KPNA3: variants seen among roughly 807,000 people sequenced by gnomAD.
KPNA3 encodes importin subunit alpha-4.
In KPNA3, 13 loss-of-function variants were observed where a neutral mutation model predicts 73.8. The observed-to-expected ratio is 0.18, with a 90% CI of 0.11 to 0.28. The LOEUF is 0.28. Ranked by LOEUF, KPNA3 falls within the 10% of genes least tolerant of loss-of-function variation. The probability of loss-of-function intolerance (pLI) is 1.00; values close to 1 mark genes in which losing one functional copy is unlikely to be tolerated. For missense variants in KPNA3, 360 were observed against 618.1 expected (o/e 0.58, Z 4.43); for synonymous variants, 186 against 206.9 (o/e 0.90, Z 0.87).
chr13:49,770,348 A>G (rs1046319515), intron 1 of KPNA3, among the ~76,000 whole-genome samples: 22 of 151,492 alleles, frequency 1.5e-4, no homozygotes, highest in Non-Finnish European at 4.4e-5. Context: ...GCAAATTTTT[A>G]AATTCTTTAT....
intron 1 of KPNA3, among the ~76,000 whole-genome samples, chr13:49,759,644 A>G (rs1039576239): frequency 6.6e-6 from 1 of 152,204 alleles, no homozygotes; most frequent in South Asian, 2.1e-4. Context: ...GATCACTCGC[A>G]TGCACAGTTC....
chr13:49,725,491 G>T lies in KPNA3; in HGVS notation c.394C>A (p.Gln132Lys). Residue 132 changes from glutamine (Q) to lysine (K), a missense_variant, in exon 7 of 17, where the codon CAG becomes AAG. Physicochemically the swap from Gln to Lys is moderately conservative, Grantham distance 53. Around this residue, in one of 3 missense-constraint regions of KPNA3, gnomAD observed 287 missense variants for 549.1 expected, o/e 0.52. Coordinates refer to ENST00000261667, the MANE Select transcript of KPNA3 (RefSeq NM_002267.4). ...CLERDDNPSLQFEAAWALTNI... is the reference protein window; with the variant it reads ...CLERDDNPSLKFEAAWALTNI... Reference sequence around the variant, plus strand: ...GTTAATGCCCAAGCAGCTTCAAACTGTAATGAAGGACTGTAAAAAAACAAT... The same window carrying T: ...GTTAATGCCCAAGCAGCTTCAAACTTTAATGAAGGACTGTAAAAAAACAAT... The T allele has an allele frequency of 6.2e-7, 1 of 1,603,884 alleles. No homozygotes were observed. The highest frequency in any genetic ancestry group is 8.5e-7 in the Non-Finnish European group (1 of 1,173,260).
At chr13:49,788,732 TTTTTTTAAA>T (rs1354862312) in intron 1 of KPNA3, among the ~76,000 whole-genome samples, 8 of 109,396 alleles carry the variant, frequency 7.3e-5, no homozygotes, top group East Asian at 2.6e-4. Context: ...TTTTTTTTTT[TTTTTTTAAA>T]AAAAAAAAGC....
chr13:49,724,789 A>G (rs1046904705), intron 7 of KPNA3, among the ~76,000 whole-genome samples: 1 of 151,890 alleles, frequency 6.6e-6, no homozygotes, highest in Non-Finnish European at 1.5e-5. Flanking sequence ...TAGAGACACG[A>G]TTTTGTCATG....
At chr13:49,725,336 T>C in intron 7 of KPNA3, 80 bp downstream of exon 7, 1 of 661,408 alleles carries the variant, frequency 1.5e-6, no homozygotes, top group Middle Eastern at 2.6e-4. Context: ...TGTTACAAGA[T>C]AAAATTTCTT....
At chr13:49,771,776 C>T (rs370514000) in intron 1 of KPNA3, among the ~76,000 whole-genome samples, 6 of 152,176 alleles carry the variant, frequency 3.9e-5, no homozygotes, top group East Asian at 3.8e-4. Flanking sequence ...ACCTTAGCCT[C>T]TAGAGTAGCT....
At chr13:49,750,952 A>C (rs1954657732) in intron 1 of KPNA3, among the ~76,000 whole-genome samples, 1 of 152,180 alleles carries the variant, frequency 6.6e-6, no homozygotes, top group Non-Finnish European at 1.5e-5. Flanking sequence ...CGAGTGGGCC[A>C]CTGCATTCCA....
chr13:49,708,831 G>T (rs1036981305), intron 12 of KPNA3, among the ~76,000 whole-genome samples: 10 of 152,144 alleles, frequency 6.6e-5, no homozygotes, highest in African/African-American at 1.9e-4. Flanking sequence ...ACTTGTCTAT[G>T]AAGCTTGAAA....
At chr13:49,784,923 G>A (rs891822003) in intron 1 of KPNA3, among the ~76,000 whole-genome samples, 1 of 152,034 alleles carries the variant, frequency 6.6e-6, no homozygotes, top group African/African-American at 2.4e-5. Context: ...TAATTGCAAC[G>A]AGAAAGATAC....
chr13:49,746,657 C>T (rs1003446665), intron 2 of KPNA3, among the ~76,000 whole-genome samples: 4 of 152,100 alleles, frequency 2.6e-5, no homozygotes, highest in African/African-American at 7.2e-5. Flanking sequence ...GGATGTGTAA[C>T]TTTTACATAA....
intron 1 of KPNA3, among the ~76,000 whole-genome samples, chr13:49,768,743 G>C (rs1188491484): frequency 6.6e-6 from 1 of 152,040 alleles, no homozygotes; most frequent in Non-Finnish European, 1.5e-5. Flanking sequence ...AACCCAACTT[G>C]TGTGCCACAC....
chr13:49,760,107 C>CTATT (rs1421391578), intron 1 of KPNA3, among the ~76,000 whole-genome samples: 1 of 152,140 alleles, frequency 6.6e-6, no homozygotes, highest in Non-Finnish European at 1.5e-5. Flanking sequence ...AGGGCCAATA[C>CTATT]ACATGTCAAG....
intron 2 of KPNA3, among the ~76,000 whole-genome samples, chr13:49,741,936 T>C (rs1193921850): frequency 6.6e-6 from 1 of 152,218 alleles, no homozygotes; most frequent in Admixed American, 6.5e-5. Context: ...GTTGGCTGTG[T>C]TTTTGGGGTC....
intron 1 of KPNA3, among the ~76,000 whole-genome samples, chr13:49,756,585 G>A (rs777132453): frequency 3.9e-5 from 6 of 151,996 alleles, no homozygotes; most frequent in Non-Finnish European, 8.8e-5. Flanking sequence ...AAATGGAGGG[G>A]CATATTGTGT....
rs1202422311 is a variant in KPNA3 at position 49,710,918 on chromosome 13, A to T, written c.876T>A (p.Leu292=). Residue 292 remains leucine, a synonymous_variant, in exon 11 of 17, where the codon CTT becomes CTA. Coordinates refer to ENST00000261667, the MANE Select transcript of KPNA3 (RefSeq NM_002267.4). ...GAACTTTGACTTCCTGATGGCTCAGAAGGGGCACAAGAAAGGGCACAACTC... is the reference window on the plus strand; with the variant it reads ...GAACTTTGACTTCCTGATGGCTCAGTAGGGGCACAAGAAAGGGCACAACTC... ...DSGVVPFLVP[L]LSHQEVKVQT... 1 of 1,613,902 alleles carries T rather than the reference A, an allele frequency of 6.2e-7. No homozygotes were observed. Among genetic ancestry groups the T allele is most frequent in the East Asian group, 2.2e-5 (1 of 44,864 alleles).
intron 1 of KPNA3, among the ~76,000 whole-genome samples, chr13:49,783,437 T>C (rs1954956719): frequency 6.6e-6 from 1 of 152,158 alleles, no homozygotes; most frequent in Non-Finnish European, 1.5e-5. Context: ...CCTCCCTCTG[T>C]ATCCTCGGGG....
At chr13:49,764,546 C>T (rs894186619) in intron 1 of KPNA3, among the ~76,000 whole-genome samples, 1 of 152,128 alleles carries the variant, frequency 6.6e-6, no homozygotes, top group Admixed American at 6.6e-5. Context: ...AACTTCCTAA[C>T]GTGCACGTCC....
At chr13:49,707,324 G>C (rs12184816) in intron 12 of KPNA3, among the ~76,000 whole-genome samples, 7 of 152,134 alleles carry the variant, frequency 4.6e-5, no homozygotes, top group African/African-American at 1.7e-4. Context: ...TCCAACTGTG[G>C]TAAGTTGTTA....
chr13:49,716,135 TG>T (rs1954302430), intron 10 of KPNA3, among the ~76,000 whole-genome samples: 3 of 152,222 alleles, frequency 2.0e-5, no homozygotes, highest in Non-Finnish European at 4.4e-5. Context: ...TTAGGCACCC[TG>T]AAACTGCAAA....
Sources: allele counts gnomAD v4.1 joint callset (sites outside exome capture counted in the v4.1 genomes callset), GRCh38; gene constraint gnomAD v4.1.1; regional missense constraint gnomAD v4.1.1; transcripts MANE v1.5; gene names NCBI Gene and HGNC (gene_info 2026-07-23, HGNC 2026-07-21).